Variants in PHC3 observed in about 807,000 individuals in gnomAD.
The protein encoded by PHC3 is polyhomeotic homolog 3.
PHC3 carries 13 observed loss-of-function variants against 107.4 expected under a neutral mutation model. That is an observed-to-expected ratio of 0.12 (90% CI 0.08 to 0.19). PHC3 has a LOEUF of 0.19. Among genes scored for constraint, PHC3 ranks in the 10% least tolerant of loss-of-function variants. The probability of loss-of-function intolerance (pLI) is 1.00; values close to 1 mark genes in which losing one functional copy is unlikely to be tolerated. For missense variants in PHC3, 992 were observed against 1,210.9 expected (o/e 0.82, Z 2.68); for synonymous variants, 456 against 427.4 (o/e 1.07, Z -0.83).
At chr3:170,141,998 CA>C in intron 6 of PHC3, among the ~76,000 whole-genome samples, 2 of 152,248 alleles carry the variant, frequency 1.3e-5, no homozygotes, top group Middle Eastern at 3.4e-3. Context: ...CAATGCATAA[CA>C]AAAATAGTAG....
At chr3:170,099,273 C>T (rs77847354) in intron 14 of PHC3, among the ~76,000 whole-genome samples, 1 of 151,868 alleles carries the variant, frequency 6.6e-6, no homozygotes, top group East Asian at 1.9e-4. Context: ...TAATATAGAA[C>T]AAAAAGTGTT....
At chr3:170,140,584 CTTTTTTTTTTTT>C (rs57137783) in intron 6 of PHC3, among the ~76,000 whole-genome samples, 8 of 69,614 alleles carry the variant, frequency 1.1e-4, no homozygotes, top group East Asian at 5.1e-4. Flanking sequence ...ATTTCTTTTT[CTTTTTTTTTTTT>C]TTTTTTTTTT....
chr3:170,103,898 C>T (rs55657639), intron 12 of PHC3, among the ~76,000 whole-genome samples: 5,023 of 152,064 alleles, frequency 0.033, 114 homozygotes, highest in Non-Finnish European at 0.053. Context: ...GGTGAAAACC[C>T]GTCTCTACCC....
At chr3:170,111,315 AAGGAAC>A in intron 11 of PHC3, among the ~76,000 whole-genome samples, 1 of 122,284 alleles carries the variant, frequency 8.2e-6, no homozygotes, top group African/African-American at 2.9e-5. Context: ...GGAAGGAAGG[AAGGAAC>A]GAACGAACGA....
chr3:170,174,850 A>C (rs1050955439), intron 2 of PHC3, among the ~76,000 whole-genome samples: 1 of 152,216 alleles, frequency 6.6e-6, no homozygotes, highest in Non-Finnish European at 1.5e-5. Context: ...GAATTATAAC[A>C]ATATACCTTT....
At chr3:170,137,507 C>T (rs1032475205) in intron 6 of PHC3, among the ~76,000 whole-genome samples, 18 of 152,224 alleles carry the variant, frequency 1.2e-4, no homozygotes, top group African/African-American at 4.3e-4. Context: ...CTAGCACTGG[C>T]CCTGGGAGAG....
At chr3:170,127,666 C>T (rs1721567901) in intron 8 of PHC3, among the ~76,000 whole-genome samples, 1 of 152,042 alleles carries the variant, frequency 6.6e-6, no homozygotes, top group Admixed American at 6.5e-5. Flanking sequence ...TTCGAAACTC[C>T]TTTCTGAGCT....
chr3:170,102,123 T>C (rs558886412), intron 14 of PHC3: 2 of 979,160 alleles, frequency 2.0e-6, no homozygotes, highest in Admixed American at 1.2e-4. Flanking sequence ...AGGAATAGAA[T>C]AGAAAAATAG....
At chr3:170,122,323 G>A (rs185955582) in intron 9 of PHC3, among the ~76,000 whole-genome samples, 1 of 152,188 alleles carries the variant, frequency 6.6e-6, no homozygotes, top group East Asian at 1.9e-4. Context: ...GAATAAACAG[G>A]CTGGGTGCAA....
chr3:170,126,313 A>C (rs1465466111), intron 8 of PHC3, among the ~76,000 whole-genome samples: 3 of 151,870 alleles, frequency 2.0e-5, no homozygotes, highest in Non-Finnish European at 4.4e-5. Flanking sequence ...TTACTCAAAG[A>C]AAGGTAAAAG....
rs761186644 is a variant in PHC3 at position 170,129,335 on chromosome 3, G to C, written c.1137C>G (p.Ala379=). 2 of 1,613,870 alleles carry C rather than the reference G, an allele frequency of 1.2e-6. No homozygotes were observed. Among genetic ancestry groups the C allele is most frequent in the East Asian group, 4.5e-5 (2 of 44,858 alleles). The change falls in exon 8 of 15, where the codon GCC becomes GCG. Residue 379 remains alanine, a synonymous_variant. Coordinates refer to ENST00000495893, the MANE Select transcript of PHC3 (RefSeq NM_024947.4). The part of the protein sequence containing the change: ...NHGLPPAPSN[A]QSQHCSPIQS... ...GAATCGGTGAACAATGCTGTGACTG[G>C]GCATTACTGGGAGCTGGAGGAAGGC...
chr3:170,122,530 T>G (rs1179858656), intron 9 of PHC3, 61 bp downstream of exon 9: 5 of 1,564,140 alleles, frequency 3.2e-6, no homozygotes, highest in Non-Finnish European at 3.5e-6. Flanking sequence ...AAAAATCAAC[T>G]TTTCCTATTA....
chr3:170,169,948 G>A (rs1012739833), intron 4 of PHC3: 2 of 151,634 alleles, frequency 1.3e-5, no homozygotes, highest in African/African-American at 4.9e-5. Context: ...TAAGAGCTAG[G>A]TTACATTATT....
chr3:170,145,318 CAA>C (rs1724767742), intron 6 of PHC3, 103 bp downstream of exon 6: 2 of 782,942 alleles, frequency 2.6e-6, no homozygotes, highest in Admixed American at 6.4e-5. Context: ...AAATGCATGA[CAA>C]AGAGCACTGA....
chr3:170,155,980 C>A (rs1001265729), intron 4 of PHC3, among the ~76,000 whole-genome samples: 2 of 152,104 alleles, frequency 1.3e-5, no homozygotes, highest in African/African-American at 4.8e-5. Flanking sequence ...CTATTTTTCT[C>A]TTTAATGCTT....
chr3:170,101,883 T>C (rs1335404522), intron 14 of PHC3, among the ~76,000 whole-genome samples: 1 of 151,934 alleles, frequency 6.6e-6, no homozygotes, highest in Non-Finnish European at 1.5e-5. Flanking sequence ...AGAATGAATA[T>C]AATTGAATTT....
At chr3:170,111,382 G>A (rs1311265310) in intron 11 of PHC3, among the ~76,000 whole-genome samples, 3 of 141,470 alleles carry the variant, frequency 2.1e-5, no homozygotes, top group Admixed American at 7.2e-5. Flanking sequence ...GAAAGAAAGA[G>A]AGAGAAAGAA....
At chr3:170,166,151 T>C (rs1728714674) in intron 4 of PHC3, among the ~76,000 whole-genome samples, 1 of 151,894 alleles carries the variant, frequency 6.6e-6, no homozygotes, top group Admixed American at 6.6e-5. Flanking sequence ...TTCAAGTGAT[T>C]CTCCTGCCTC....
At chr3:170,177,843 G>T (rs1382767810) in intron 2 of PHC3, among the ~76,000 whole-genome samples, 1 of 142,102 alleles carries the variant, frequency 7.0e-6, no homozygotes, top group African/African-American at 2.5e-5. Flanking sequence ...GCTGATTTTT[G>T]TATTTTTTGT....
Sources: allele counts gnomAD v4.1 joint callset (sites outside exome capture counted in the v4.1 genomes callset), GRCh38; gene constraint gnomAD v4.1.1; transcripts MANE v1.5; gene names NCBI Gene and HGNC (gene_info 2026-07-23, HGNC 2026-07-21).